KCNQ5: variants seen among roughly 807,000 people sequenced by gnomAD.
The protein encoded by KCNQ5 is potassium voltage-gated channel subfamily Q member 5, also known as potassium voltage-gated channel subfamily KQT member 5.
A neutral mutation model predicts 98.2 loss-of-function variants in KCNQ5; 30 were observed. That is an observed-to-expected ratio of 0.31 (90% CI 0.23 to 0.41). The LOEUF is 0.41. Ranked by LOEUF, KCNQ5 falls within the 10% of genes least tolerant of loss-of-function variation. The pLI, the probability that KCNQ5 is intolerant of heterozygous loss-of-function variation, is 1.00. For synonymous variants in KCNQ5, 458 were observed against 449.4 expected (o/e 1.02, Z -0.24); for missense variants, 835 against 1,182.5 (o/e 0.71, Z 4.31).
chr6:72,968,062 T>C (rs999914116), intron 1 of KCNQ5, among the ~76,000 whole-genome samples: 1 of 152,204 alleles, frequency 6.6e-6, no homozygotes. Flanking sequence ...ATTGGACATC[T>C]GATATATGTG....
chr6:72,922,810 C>CTTTTTTTTTTTTTT (rs369263359), intron 1 of KCNQ5, among the ~76,000 whole-genome samples: 2 of 103,832 alleles, frequency 1.9e-5, no homozygotes, highest in African/African-American at 7.1e-5. Context: ...TTTTCTTTTT[C>CTTTTTTTTTTTTTT]TTTTTTTTTT....
intron 1 of KCNQ5, among the ~76,000 whole-genome samples, chr6:72,850,635 G>T (rs1289968181): frequency 6.6e-6 from 1 of 152,174 alleles, no homozygotes; most frequent in Non-Finnish European, 1.5e-5. Context: ...ATCCTCAGAT[G>T]AACCTGTTAT....
chr6:72,982,083 T>A (rs1225102329), intron 1 of KCNQ5, among the ~76,000 whole-genome samples: 1 of 152,222 alleles, frequency 6.6e-6, no homozygotes, highest in African/African-American at 2.4e-5. Flanking sequence ...AACTCTGTGG[T>A]CAATTTTGGA....
intron 1 of KCNQ5, among the ~76,000 whole-genome samples, chr6:72,846,488 A>G (rs916305717): frequency 2.0e-5 from 3 of 151,594 alleles, no homozygotes; most frequent in African/African-American, 7.3e-5. Context: ...AGCCTAGGAA[A>G]CATAGTGAGA....
intron 1 of KCNQ5, among the ~76,000 whole-genome samples, chr6:72,852,088 T>C (rs77654605): frequency 0.15 from 22,734 of 152,066 alleles, 2,555 homozygotes; most frequent in African/African-American, 0.32. Flanking sequence ...TCTGTGGCCT[T>C]CCTAACAGTG....
chr6:72,929,438 C>T (rs151122587), intron 1 of KCNQ5, among the ~76,000 whole-genome samples: 194 of 152,270 alleles, frequency 1.3e-3, no homozygotes, highest in African/African-American at 4.5e-3. Context: ...AAATATCTGG[C>T]ACAGTCTCTT....
chr6:73,158,073 C>G, intron 10 of KCNQ5: 2 of 545,154 alleles, frequency 3.7e-6, no homozygotes, highest in South Asian at 1.7e-5. Flanking sequence ...AGGACGCCGC[C>G]GGAACCCGCG....
At position 73,133,505 on chromosome 6, in the gene KCNQ5, C is replaced by G. The variant is rs377437433; in HGVS notation, c.1332C>G (p.Asp444Glu). The G allele has an allele frequency of 5.0e-6, 8 of 1,614,054 alleles. No individual in the cohort carries two copies. Among genetic ancestry groups the G allele is most frequent in the Non-Finnish European group, 6.8e-6 (8 of 1,180,038 alleles). Residue 444 changes from aspartate (D) to glutamate (E), a missense_variant, in exon 10 of 14, where the codon GAC (aspartate) becomes GAG (glutamate). Physicochemically the swap from Asp to Glu is conservative, Grantham distance 45. Transcript: ENST00000370398. The part of the protein sequence containing the change: ...SIKSRQASVG[D>E]RRSPSTDITA... ...AGAGCCGACAAGCCTCAGTAGGTGA[C>G]AGGAGGTCCCCAAGCACCGACATCA... is the stretch of plus-strand genomic sequence containing the variant.
chr6:72,977,482 GA>G (rs1768211550), intron 1 of KCNQ5, among the ~76,000 whole-genome samples: 1 of 152,168 alleles, frequency 6.6e-6, no homozygotes, highest in Non-Finnish European at 1.5e-5. Context: ...GTCTGGATGT[GA>G]TAGCAAGGGA....
intron 1 of KCNQ5, among the ~76,000 whole-genome samples, chr6:72,861,622 G>A (rs1582428491): frequency 1.3e-5 from 2 of 152,242 alleles, no homozygotes; most frequent in South Asian, 4.1e-4. Flanking sequence ...TGTAAACAGA[G>A]AGAAAAGGAA....
chr6:72,817,984 G>A (rs1775577902), intron 1 of KCNQ5, among the ~76,000 whole-genome samples: 1 of 152,092 alleles, frequency 6.6e-6, no homozygotes, highest in South Asian at 2.1e-4. Context: ...TTAAATGAAT[G>A]CTTAAAGAGA....
chr6:73,003,780 C>A, intron 1 of KCNQ5, 128 bp from the exon 2 acceptor site: 1 of 626,434 alleles, frequency 1.6e-6, no homozygotes, highest in African/African-American at 1.8e-5. Flanking sequence ...CTAGTCCCTT[C>A]CAGAGTTTTT....
chr6:72,815,869 A>G (rs983381260), intron 1 of KCNQ5, among the ~76,000 whole-genome samples: 1 of 152,188 alleles, frequency 6.6e-6, no homozygotes, highest in Admixed American at 6.5e-5. Context: ...GAAAGATGAC[A>G]AGTTTAACTT....
intron 1 of KCNQ5, among the ~76,000 whole-genome samples, chr6:72,682,448 T>C (rs1211622395): frequency 6.6e-6 from 1 of 152,000 alleles, no homozygotes; most frequent in East Asian, 1.9e-4. Context: ...GATTTGTACC[T>C]TTTTTTTCCT....
chr6:72,654,863 A>C (rs1412815484), intron 1 of KCNQ5, among the ~76,000 whole-genome samples: 1 of 152,164 alleles, frequency 6.6e-6, no homozygotes, highest in Non-Finnish European at 1.5e-5. Context: ...TTCAATGAAC[A>C]AAGAAAACTG....
chr6:72,848,652 C>T (rs1777114046), intron 1 of KCNQ5, among the ~76,000 whole-genome samples: 1 of 152,144 alleles, frequency 6.6e-6, no homozygotes, highest in South Asian at 2.1e-4. Context: ...AGCCTTCAGA[C>T]ATCTGATTGA....
chr6:72,899,254 T>C (rs988522752), intron 1 of KCNQ5, among the ~76,000 whole-genome samples: 35 of 152,216 alleles, frequency 2.3e-4, no homozygotes, highest in African/African-American at 8.0e-4. Flanking sequence ...TCCATGTTTT[T>C]CTCAAAATTC....
chr6:72,826,109 G>C (rs1183218672), intron 1 of KCNQ5, among the ~76,000 whole-genome samples: 3 of 152,038 alleles, frequency 2.0e-5, no homozygotes, highest in Non-Finnish European at 2.9e-5. Context: ...ACTGTAATTT[G>C]CACAAAGCAA....
intron 1 of KCNQ5, among the ~76,000 whole-genome samples, chr6:72,697,267 C>A (rs1478538220): frequency 6.6e-6 from 1 of 152,128 alleles, no homozygotes; most frequent in African/African-American, 2.4e-5. Flanking sequence ...GTTCATTTAT[C>A]CTAATCTTAC....
Sources: allele counts gnomAD v4.1 joint callset (sites outside exome capture counted in the v4.1 genomes callset), GRCh38; gene constraint gnomAD v4.1.1; transcripts MANE v1.5; gene names NCBI Gene and HGNC (gene_info 2026-07-23, HGNC 2026-07-21).